Variants in SUMF1 observed in about 807,000 individuals in gnomAD.
The protein encoded by SUMF1 is sulfatase modifying factor 1.
In SUMF1, 48 loss-of-function variants were observed where a neutral mutation model predicts 47.6. The ratio of observed to expected loss-of-function variants is 1.01; its 90% confidence interval spans 0.80 to 1.28. SUMF1 has a LOEUF of 1.28. Ranked by LOEUF, SUMF1 falls within the 50% of genes most tolerant of loss-of-function variation. The probability of loss-of-function intolerance (pLI) is 0.00; values close to 1 mark genes in which losing one functional copy is unlikely to be tolerated. For synonymous variants in SUMF1, 230 were observed against 192.1 expected (o/e 1.20, Z -1.63); for missense variants, 571 against 485.4 (o/e 1.18, Z -1.66).
intron 8 of SUMF1, among the ~76,000 whole-genome samples, chr3:4,147,204 T>G (rs923670241): frequency 8.5e-5 from 13 of 152,142 alleles, no homozygotes; most frequent in Admixed American, 5.9e-4. Context: ...GGAACACTTT[T>G]ACACTGTTGG....
At chr3:4,363,217 AAAT>A (rs1016832011) in intron 8 of SUMF1, among the ~76,000 whole-genome samples, 10 of 152,284 alleles carry the variant, frequency 6.6e-5, no homozygotes, top group African/African-American at 2.2e-4. Flanking sequence ...TTTAATACCT[AAAT>A]AATATTTATG....
chr3:4,386,993 T>C (rs567712342), intron 7 of SUMF1, among the ~76,000 whole-genome samples: 106 of 152,120 alleles, frequency 7.0e-4, no homozygotes, highest in African/African-American at 2.5e-3. Context: ...ATGAATTCTA[T>C]TTGCTAACAT....
intron 8 of SUMF1, among the ~76,000 whole-genome samples, chr3:4,275,418 T>A (rs145195463): frequency 3.0e-4 from 45 of 152,160 alleles, no homozygotes; most frequent in Middle Eastern, 6.8e-3. Context: ...GATATAACAT[T>A]CAACAGGGCA....
intron 8 of SUMF1, among the ~76,000 whole-genome samples, chr3:4,095,442 CT>C (rs1222644083): frequency 1.3e-5 from 2 of 152,004 alleles, no homozygotes; most frequent in African/African-American, 4.8e-5. Context: ...GATAGAATCC[CT>C]AATGTCTCTT....
Position 4,376,334 on chromosome 3 carries a change from T to C in SUMF1, c.1010A>G (p.His337Arg), listed in dbSNP as rs1481749907. The C allele has an allele frequency of 1.2e-6, 2 of 1,614,064 alleles. No individual in the cohort carries two copies. The highest frequency in any genetic ancestry group is 1.6e-4 in the Middle Eastern group (1 of 6,084). Reference sequence around the variant, plus strand: ...CAGTTTAGTGACATGACTTACCCTATGGCACATGTAGGATCCACCTTTCTT... The same window carrying C: ...CAGTTTAGTGACATGACTTACCCTACGGCACATGTAGGATCCACCTTTCTT... ...RVKKGGSYMC[H>R]RSYCYRYRCA... The change falls in exon 8 of 9, where the codon CAT (histidine) becomes CGT (arginine). Residue 337 changes from histidine (H) to arginine (R), a missense_variant. His to Arg is a conservative substitution (Grantham distance 29, BLOSUM62 0). Coordinates refer to ENST00000272902, the MANE Select transcript of SUMF1 (RefSeq NM_182760.4).
At chr3:4,050,354 G>C (rs1224648785) in intron 9 of SUMF1, among the ~76,000 whole-genome samples, 1 of 151,880 alleles carries the variant, frequency 6.6e-6, no homozygotes. Flanking sequence ...AATTGCTAGA[G>C]TCTTTCCCTA....
At chr3:4,101,890 CA>C (rs905524299) in intron 8 of SUMF1, among the ~76,000 whole-genome samples, 14 of 152,148 alleles carry the variant, frequency 9.2e-5, no homozygotes, top group African/African-American at 3.1e-4. Flanking sequence ...AATTGACTCA[CA>C]GTTCCACATG....
rs754069091 is a variant in SUMF1 at position 4,417,178 on chromosome 3, C to T, written c.790G>A (p.Glu264Lys). The T allele has an allele frequency of 1.4e-5, 23 of 1,613,988 alleles. No homozygotes were observed. The highest frequency in any genetic ancestry group is 1.8e-5 in the Non-Finnish European group (21 of 1,179,942). The change falls in exon 6 of 9, where the codon GAG becomes AAG. Residue 264 changes from glutamate (E) to lysine (K), a missense_variant. Physicochemically the swap from Glu to Lys is moderately conservative, Grantham distance 56. Transcript: ENST00000272902. Reference protein sequence around the residue: ...GQHYANIWQGEFPVTNTGEDG... With the variant: ...GQHYANIWQGKFPVTNTGEDG... ...TCACCAGTGTTGGTCACCGGAAACT[C>T]GCCCTGCCAAATGTTGGCATAATGC... is the stretch of plus-strand genomic sequence containing the variant.
Position 4,419,709 on chromosome 3 carries a change from G to A in SUMF1, c.602+355C>T, listed in dbSNP as rs529857188. 9.9e-5 allele frequency among the ~76,000 whole-genome samples: 15 copies of A among 152,166 alleles called. No homozygotes were observed. The South Asian group carries it at 2.9e-3, about 29-fold the overall frequency. On this transcript the variant is annotated intron_variant, in intron 4 of 8. Coordinates refer to ENST00000272902, the MANE Select transcript of SUMF1 (RefSeq NM_182760.4). ...ACAATTACTTATCCATAAGACAGAC[G>A]TCTTCTTCCTCATAGACCCGCTAAT...
Position 4,350,176 on chromosome 3 carries a change from T to A in SUMF1, c.1014+26154A>T, listed in dbSNP as rs537971461. Among the ~76,000 whole-genome samples the A allele has an allele frequency of 1.1e-4, 17 of 151,424 alleles. No homozygotes were observed. In the South Asian group the frequency reaches 3.6e-3, roughly 32 times the overall value. The stretch of plus-strand genomic sequence containing the variant: ...CCACCACGCCAGGCTAATTTTTGTA[T>A]TTTTTTTAGTATTAAAAAATCACCA... On this transcript the variant is annotated intron_variant and NMD_transcript_variant, in intron 8 of 12. Transcript: ENST00000448413.
intron 9 of SUMF1, among the ~76,000 whole-genome samples, chr3:4,037,864 C>T (rs59324276): frequency 0.039 from 5,976 of 152,142 alleles, 412 homozygotes; most frequent in African/African-American, 0.14. Context: ...CAAGGCTTTG[C>T]GCAGGGTCTT....
chr3:4,270,155 G>C (rs1452064128), intron 8 of SUMF1, among the ~76,000 whole-genome samples: 1 of 152,050 alleles, frequency 6.6e-6, no homozygotes, highest in Non-Finnish European at 1.5e-5. Flanking sequence ...CGGACTATCA[G>C]GGAAACTAAA....
intron 8 of SUMF1, among the ~76,000 whole-genome samples, chr3:4,180,556 TG>T (rs980597468): frequency 1.3e-5 from 2 of 150,426 alleles, no homozygotes; most frequent in African/African-American, 4.9e-5. Context: ...GGTGGGGGGC[TG>T]GGGGAGGGAT....
chr3:4,445,574 G>C (rs1302999452), intron 3 of SUMF1, among the ~76,000 whole-genome samples: 1 of 151,964 alleles, frequency 6.6e-6, no homozygotes, highest in African/African-American at 2.4e-5. Flanking sequence ...TGAACTCCTG[G>C]CCTCAGGTGA....
chr3:4,449,172 G>C, intron 3 of SUMF1, 94 bp downstream of exon 3: 9 of 1,315,510 alleles, frequency 6.8e-6, no homozygotes, highest in Non-Finnish European at 9.9e-6. Context: ...GTGTTACAGG[G>C]AGAGGAAGGT....
chr3:4,040,360 T>A (rs1694887399), intron 9 of SUMF1, among the ~76,000 whole-genome samples: 1 of 152,158 alleles, frequency 6.6e-6, no homozygotes, highest in Non-Finnish European at 1.5e-5. Flanking sequence ...TACAACATAC[T>A]ATGGTCACTC....
intron 8 of SUMF1, among the ~76,000 whole-genome samples, chr3:4,258,507 A>G (rs1697009307): frequency 6.7e-6 from 1 of 150,112 alleles, no homozygotes; most frequent in African/African-American, 2.5e-5. Flanking sequence ...AAAACACATG[A>G]AAAAATGCTC....
intron 8 of SUMF1, among the ~76,000 whole-genome samples, chr3:4,275,284 A>G (rs1421380787): frequency 6.6e-6 from 1 of 152,146 alleles, no homozygotes; most frequent in African/African-American, 2.4e-5. Context: ...ATACAATATG[A>G]GATGTTCACA....
At chr3:4,325,263 C>T (rs1698918123) in intron 8 of SUMF1, among the ~76,000 whole-genome samples, 1 of 151,916 alleles carries the variant, frequency 6.6e-6, no homozygotes, top group African/African-American at 2.4e-5. Context: ...GAAAATAAAT[C>T]ATCACTAGAA....
Sources: gnomAD v4.1 joint callset for allele counts (sites outside exome capture counted in the v4.1 genomes callset) on GRCh38, gnomAD v4.1.1 for gene constraint, MANE v1.5 for transcripts, NCBI Gene and HGNC (gene_info 2026-07-23, HGNC 2026-07-21) for gene names.